PLXDC2: variants seen among roughly 807,000 people sequenced by gnomAD.
PLXDC2 encodes plexin domain-containing protein 2.
Under a neutral mutation model 68.9 loss-of-function variants are expected in PLXDC2, and 40 were observed. That is an observed-to-expected ratio of 0.58 (90% CI 0.45 to 0.76). The LOEUF is 0.76. Ranked by LOEUF, PLXDC2 falls within the 30% of genes least tolerant of loss-of-function variation. PLXDC2 has a pLI of 0.00. For missense variants in PLXDC2, 644 were observed against 661.9 expected, an observed-to-expected ratio of 0.97 and a Z score of 0.30; for synonymous variants, 243 against 234.2, an observed-to-expected ratio of 1.04 and a Z score of -0.34.
At chr10:19,964,262 C>T (rs750291392) in intron 1 of PLXDC2, among the ~76,000 whole-genome samples, 6 of 152,080 alleles carry the variant, frequency 3.9e-5, no homozygotes, top group Non-Finnish European at 7.4e-5. Context: ...CTCCAACTTA[C>T]CCTTAGAGGC....
chr10:20,164,011 C>A (rs1379433876), intron 6 of PLXDC2, among the ~76,000 whole-genome samples: 1 of 152,096 alleles, frequency 6.6e-6, no homozygotes, highest in Non-Finnish European at 1.5e-5. Context: ...TTGTTTTTCT[C>A]TAGATTTTAT....
Position 20,030,844 on chromosome 10 carries a change from T to G in PLXDC2, c.325-16025T>G, listed in dbSNP as rs561446599. Among the ~76,000 whole-genome samples, 294 of 152,272 alleles carry G rather than the reference T, an allele frequency of 1.9e-3. 1 individual carries two copies. Among genetic ancestry groups the G allele is most frequent in the Non-Finnish European group, 3.8e-4 (26 of 68,022 alleles). On this transcript the variant is annotated intron_variant, in intron 2 of 13. Transcript: ENST00000377252. Reference sequence around the variant, plus strand: ...CCTTATCAGCCAATGGCCACTTGGCTCTATTTTAGATTTAGGCCCAGTTAC... The same window carrying G: ...CCTTATCAGCCAATGGCCACTTGGCGCTATTTTAGATTTAGGCCCAGTTAC...
At chr10:19,866,125 A>G (rs924190759) in intron 1 of PLXDC2, among the ~76,000 whole-genome samples, 3 of 152,312 alleles carry the variant, frequency 2.0e-5, no homozygotes, top group East Asian at 1.9e-4. Flanking sequence ...AGGAAATTAG[A>G]TGTATTTTTT....
chr10:20,284,120 A>G lies in PLXDC2; in HGVS notation c.*4301A>G, dbSNP rs1836116650. 1 of 151,788 alleles carries G rather than the reference A, an allele frequency of 6.6e-6. No individual in the cohort carries two copies. Among genetic ancestry groups the G allele is most frequent in the Non-Finnish European group, 1.5e-5 (1 of 67,972 alleles). The allele number at this position is 151,788 out of a possible 1,614,324, so 9.4% of individuals were successfully genotyped here. ...AATATTTAAATAAGACTAATTGAAA[A>G]CTAGATTATCTGGTTCTAATTTCTT... On this transcript the variant is annotated 3_prime_UTR_variant, in exon 14 of 14. Transcript: ENST00000377252.
intron 12 of PLXDC2, among the ~76,000 whole-genome samples, chr10:20,221,417 A>C (rs1835210796): frequency 6.6e-6 from 1 of 152,240 alleles, no homozygotes; most frequent in Non-Finnish European, 1.5e-5. Context: ...ATTGATATGC[A>C]GCAGGCATTC....
In PLXDC2 at chr10:20,046,978, T is replaced by C; in HGVS notation, c.434T>C (p.Ile145Thr). The C allele has an allele frequency of 6.2e-7, 1 of 1,612,224 alleles. No individual in the cohort carries two copies. The highest frequency in any genetic ancestry group is 1.1e-5 in the South Asian group (1 of 90,886). Residue 145 changes from isoleucine (I) to threonine (T), a missense_variant, in exon 3 of 14, where the codon ATT (isoleucine) becomes ACT (threonine). By Grantham distance (89) the Ile-to-Thr change is moderately conservative. Transcript: ENST00000377252. ...IDQMEKDKVKIHGILSNTHRQ... is the reference protein window; with the variant it reads ...IDQMEKDKVKTHGILSNTHRQ... ...CAAATGGAAAAAGATAAAGTGAAGA[T>C]TCATGGAATATTGTCCAATACTCAT... is the stretch of plus-strand genomic sequence containing the variant.
In PLXDC2 at chr10:20,281,919, G is replaced by T. The variant is rs777076194; in HGVS notation, c.*2100G>T. On this transcript the variant is annotated 3_prime_UTR_variant, in exon 14 of 14. Coordinates refer to ENST00000377252, the MANE Select transcript of PLXDC2 (RefSeq NM_032812.9). ...CTGTGGCTTCCAATAGCAACTGTTT[G>T]ACAGTTATATAAATCTTGCATGTGT... 2.0e-5 allele frequency: 3 copies of T among 152,230 alleles called. No homozygotes were observed. The highest frequency in any genetic ancestry group is 4.4e-5 in the Non-Finnish European group (3 of 67,998). The allele number at this position is 152,230 out of a possible 1,614,324, so 9.4% of individuals were successfully genotyped here.
At chr10:20,277,208 CAAAAAAAA>C (rs60978653) in intron 13 of PLXDC2, among the ~76,000 whole-genome samples, 44 of 67,958 alleles carry the variant, frequency 6.5e-4, no homozygotes, top group African/African-American at 2.0e-3. Context: ...GATTCCATCT[CAAAAAAAA>C]AAAAAAAAAA....
At chr10:20,078,577 G>A (rs764704045) in intron 4 of PLXDC2, among the ~76,000 whole-genome samples, 2 of 152,180 alleles carry the variant, frequency 1.3e-5, no homozygotes, top group Non-Finnish European at 2.9e-5. Flanking sequence ...AGTGTATTGT[G>A]ATGGTAATTT....
At chr10:20,194,609 G>T (rs1042866614) in intron 9 of PLXDC2, among the ~76,000 whole-genome samples, 29 of 151,742 alleles carry the variant, frequency 1.9e-4, no homozygotes, top group African/African-American at 6.8e-4. Flanking sequence ...TTTCATTAAA[G>T]AAATATCTTT....
intron 1 of PLXDC2, among the ~76,000 whole-genome samples, chr10:19,951,505 G>A (rs1005159958): frequency 6.6e-6 from 1 of 152,140 alleles, no homozygotes; most frequent in Non-Finnish European, 1.5e-5. Context: ...AAAACAACAG[G>A]TCGTGGCAAG....
At chr10:19,915,840 T>G (rs1382722484) in intron 1 of PLXDC2, among the ~76,000 whole-genome samples, 4 of 149,462 alleles carry the variant, frequency 2.7e-5, no homozygotes, top group East Asian at 4.0e-4. Flanking sequence ...TTTTAAAAAT[T>G]TATTCATGTT....
intron 10 of PLXDC2, among the ~76,000 whole-genome samples, chr10:20,213,646 A>G (rs1458261673): frequency 6.6e-6 from 1 of 152,086 alleles, no homozygotes; most frequent in African/African-American, 2.4e-5. Flanking sequence ...GGCTTTTAAA[A>G]TTTACCTTTT....
At chr10:20,099,487 CTTTCA>C (rs1833394477) in intron 4 of PLXDC2, among the ~76,000 whole-genome samples, 1 of 152,164 alleles carries the variant, frequency 6.6e-6, no homozygotes, top group Non-Finnish European at 1.5e-5. Context: ...ATTTCACGTA[CTTTCA>C]TTTCCCATCC....
chr10:20,135,749 T>C (rs1005293803), intron 4 of PLXDC2, among the ~76,000 whole-genome samples: 4 of 152,218 alleles, frequency 2.6e-5, no homozygotes, highest in African/African-American at 9.6e-5. Context: ...TGTTGCTTTT[T>C]TCCCCCAAGG....
intron 13 of PLXDC2, 148 bp downstream of exon 13, chr10:20,245,653 A>G (rs1835584612): frequency 1.1e-6 from 1 of 880,640 alleles, no homozygotes; most frequent in Admixed American, 2.5e-5. Flanking sequence ...GTTGTCCCCC[A>G]TGCACTCACG....
At chr10:20,089,261 CAT>C (rs914481694) in intron 4 of PLXDC2, among the ~76,000 whole-genome samples, 7 of 150,886 alleles carry the variant, frequency 4.6e-5, no homozygotes, top group African/African-American at 1.7e-4. Context: ...CAAGCTCAAA[CAT>C]AAAATCAATT....
chr10:19,944,479 A>T (rs964922203), intron 1 of PLXDC2, among the ~76,000 whole-genome samples: 1 of 152,220 alleles, frequency 6.6e-6, no homozygotes, highest in African/African-American at 2.4e-5. Flanking sequence ...TTGTTAAAAG[A>T]AAAACCTCAG....
intron 13 of PLXDC2, among the ~76,000 whole-genome samples, chr10:20,252,065 A>C (rs542213965): frequency 6.6e-6 from 1 of 152,344 alleles, no homozygotes; most frequent in African/African-American, 2.4e-5. Context: ...AAATCAGAAG[A>C]AGCAAAAATT....
Sources: gnomAD v4.1 joint callset for allele counts (sites outside exome capture counted in the v4.1 genomes callset) on GRCh38, gnomAD v4.1.1 for gene constraint, MANE v1.5 for transcripts, NCBI Gene and HGNC (gene_info 2026-07-23, HGNC 2026-07-21) for gene names.